The following PGAP1 variants were observed in gnomAD, a reference collection of about 807,000 sequenced individuals.
PGAP1 encodes the protein GPI inositol-deacylase.
In PGAP1, 76 loss-of-function variants were observed where a neutral mutation model predicts 127.0. That is an observed-to-expected ratio of 0.60 (90% CI 0.50 to 0.72). PGAP1 has a LOEUF of 0.72. PGAP1 is among the 30% of genes least tolerant of loss of function. The pLI, the probability that PGAP1 is intolerant of heterozygous loss-of-function variation, is 0.00. For synonymous variants in PGAP1, 362 were observed against 366.5 expected (o/e 0.99, Z 0.14); for missense variants, 982 against 1,071.3 (o/e 0.92, Z 1.16).
Position 196,835,439 on chromosome 2 carries a change from T to A in PGAP1, c.*5795A>T, listed in dbSNP as rs1441728837. The stretch of plus-strand genomic sequence containing the variant: ...TCTGAAGCAAGATTACTTCAAATAA[T>A]TATTTCAATGAATTGCTGAAAGATC... On this transcript the variant is annotated 3_prime_UTR_variant, in exon 27 of 27. Coordinates refer to ENST00000354764, the MANE Select transcript of PGAP1 (RefSeq NM_024989.4). 6.6e-6 allele frequency: 1 copy of A among 152,012 alleles called. No homozygotes were observed. The highest frequency in any genetic ancestry group is 1.5e-5 in the Non-Finnish European group (1 of 67,880). 9.4% of individuals were successfully genotyped at this position (152,012 alleles called of 1,614,324 possible).
intron 20 of PGAP1, among the ~76,000 whole-genome samples, chr2:196,862,351 G>A (rs569741541): frequency 6.6e-6 from 1 of 152,136 alleles, no homozygotes; most frequent in East Asian, 1.9e-4. Context: ...CAGACCAGTT[G>A]CTCTCAAAAC....
chr2:196,891,162 G>T (rs1029655661), intron 9 of PGAP1, among the ~76,000 whole-genome samples: 1 of 152,060 alleles, frequency 6.6e-6, no homozygotes, highest in Non-Finnish European at 1.5e-5. Context: ...GTTTTATTGT[G>T]GGTTTTTTGC....
Position 196,920,095 on chromosome 2 carries a change from AG to A in PGAP1, c.202del (p.Leu68PhefsTer16). On this transcript the variant is annotated frameshift_variant, in exon 2 of 27. Transcript: ENST00000354764. LOFTEE classifies it high-confidence loss of function. Reference sequence around the variant, plus strand: ...TTCAGCATAGGATCCCTCTCCATAAAGATACAACTCATATGCGGGATAGCGT... The same window carrying A: ...TTCAGCATAGGATCCCTCTCCATAAAATACAACTCATATGCGGGATAGCGT... ...AKRYPAYELY[L>X]YGEGSYAEEH... The A allele has an allele frequency of 6.2e-7, 1 of 1,613,360 alleles. No homozygotes were observed.
chr2:196,926,385 C>T, intron 1 of PGAP1, 85 bp downstream of exon 1: 1 of 1,588,756 alleles, frequency 6.3e-7, no homozygotes, highest in Non-Finnish European at 8.6e-7. Flanking sequence ...CGCAGAGAGC[C>T]AAGGCAGGAC....
intron 7 of PGAP1, among the ~76,000 whole-genome samples, chr2:196,896,302 T>C (rs1347387002): frequency 6.6e-6 from 1 of 152,158 alleles, no homozygotes; most frequent in Non-Finnish European, 1.5e-5. Context: ...TTCAATAAAT[T>C]ACACATTTCG....
chr2:196,848,579 T>C (rs1436577385), intron 20 of PGAP1, among the ~76,000 whole-genome samples: 2 of 152,230 alleles, frequency 1.3e-5, no homozygotes, highest in African/African-American at 4.8e-5. Context: ...TGTGATGGTC[T>C]CCTTCCACTT....
At chr2:196,856,995 T>C (rs7572885) in intron 20 of PGAP1, among the ~76,000 whole-genome samples, 15,582 of 152,242 alleles carry the variant, frequency 0.1, 961 homozygotes, top group African/African-American at 0.17. Context: ...AGGTATTTTA[T>C]TCTTTTTGTG....
chr2:196,885,997 A>C (rs935235629), intron 10 of PGAP1, 117 bp from the exon 11 acceptor site: 11 of 522,094 alleles, frequency 2.1e-5, no homozygotes, highest in African/African-American at 1.8e-4. Context: ...ACTAGGAGCA[A>C]GTGAAACGTA....
chr2:196,925,805 G>A (rs1216510467), intron 1 of PGAP1, among the ~76,000 whole-genome samples: 1 of 152,036 alleles, frequency 6.6e-6, no homozygotes, highest in African/African-American at 2.4e-5. Flanking sequence ...GCCCACACAC[G>A]CACGGCCCCT....
chr2:196,912,811 T>C (rs966939817), intron 4 of PGAP1, 71 bp downstream of exon 4: 16 of 1,389,290 alleles, frequency 1.2e-5, no homozygotes, highest in African/African-American at 2.9e-5. Flanking sequence ...CCTAGGGGAA[T>C]AGCCACAGAG....
rs1700366104 is a variant in PGAP1 at position 196,840,147 on chromosome 2, T to TTG, written c.*1086_*1087insCA. Reference sequence around the variant, plus strand: ...AGAAGTCACCTAGGCAAATCAAGATTCCACTGTTAAACCTAGTGGCTAATG... The same window carrying TTG: ...AGAAGTCACCTAGGCAAATCAAGATTTGCCACTGTTAAACCTAGTGGCTAATG... On this transcript the variant is annotated 3_prime_UTR_variant, in exon 27 of 27. Transcript: ENST00000354764. The TTG allele has an allele frequency of 6.6e-6, 1 of 152,220 alleles. No homozygotes were observed. Among genetic ancestry groups the TTG allele is most frequent in the African/African-American group, 2.4e-5 (1 of 41,456 alleles). 9.4% of individuals were successfully genotyped at this position (152,220 alleles called of 1,614,324 possible).
At chr2:196,902,418 C>CAT (rs1383780927) in intron 5 of PGAP1, among the ~76,000 whole-genome samples, 167 bp downstream of exon 5, 1 of 128,416 alleles carries the variant, frequency 7.8e-6, no homozygotes, top group African/African-American at 3.4e-5. Flanking sequence ...CATTCATTTT[C>CAT]TCTCTTTCTC....
In PGAP1 at chr2:196,841,261, T is replaced by C. The variant is rs371834139; in HGVS notation, c.2742A>G (p.Leu914=). 72 of 1,613,194 alleles carry C rather than the reference T, an allele frequency of 4.5e-5. No individual in the cohort carries two copies. Among genetic ancestry groups the C allele is most frequent in the Non-Finnish European group, 5.6e-5 (66 of 1,179,772 alleles). Residue 914 remains leucine, a synonymous_variant, in exon 27 of 27, where the codon TTA becomes TTG. Coordinates refer to ENST00000354764, the MANE Select transcript of PGAP1 (RefSeq NM_024989.4). ...ACATAAAGTTGCATAATGCATGGAG[T>C]AAAAGAGGAATGAAGACAAAGCATG... is the stretch of plus-strand genomic sequence containing the variant. ...RLPCFVFIPL[L]LHALCNFM
intron 4 of PGAP1, among the ~76,000 whole-genome samples, chr2:196,904,603 C>CT (rs1399603822): frequency 5.3e-5 from 8 of 152,274 alleles, no homozygotes; most frequent in Middle Eastern, 3.4e-3. Flanking sequence ...TGGCATGCAC[C>CT]TGTAGTCCCA....
chr2:196,915,420 T>C (rs532619049), intron 3 of PGAP1, among the ~76,000 whole-genome samples: 1 of 152,208 alleles, frequency 6.6e-6, no homozygotes, highest in Non-Finnish European at 1.5e-5. Context: ...GTAGCATACA[T>C]GGAATGCCTA....
chr2:196,915,363 G>A (rs774984745), intron 3 of PGAP1, among the ~76,000 whole-genome samples: 8 of 152,134 alleles, frequency 5.3e-5, no homozygotes, highest in Non-Finnish European at 1.2e-4. Context: ...ATTATCTCGA[G>A]ACTGTACTCC....
chr2:196,842,721 C>A lies in PGAP1; in HGVS notation c.2630G>T (p.Ser877Ile). ...GNTYTVSIKS[S>I]KLLKTTSQFP... ...AAAAAGAAAGATTAAACTACTGTAC[C>A]TTGATTTTATTGAAACAGTGTAAGT... The change falls in exon 26 of 27, where the codon AGT (serine) becomes ATT (isoleucine). Residue 877 changes from serine (S) to isoleucine (I), a missense_variant and splice_region_variant. Physicochemically the swap from Ser to Ile is moderately radical, Grantham distance 142. Coordinates refer to ENST00000354764, the MANE Select transcript of PGAP1 (RefSeq NM_024989.4). The A allele has an allele frequency of 6.6e-7, 1 of 1,507,146 alleles. No homozygotes were observed. Among genetic ancestry groups the A allele is most frequent in the Non-Finnish European group, 9.1e-7 (1 of 1,103,672 alleles). The allele number at this position is 1,507,146 out of a possible 1,614,324, so 93.4% of individuals were successfully genotyped here. A position where few individuals can be genotyped will look rare whatever the true frequency, so the allele number is the denominator to read the frequency against.
chr2:196,843,928 G>C lies in PGAP1; in HGVS notation c.2485C>G (p.Leu829Val), dbSNP rs1700485342. Residue 829 changes from leucine (L) to valine (V), a missense_variant, in exon 25 of 27, where the codon CTC becomes GTC. Coordinates refer to ENST00000354764, the MANE Select transcript of PGAP1 (RefSeq NM_024989.4). ...VINLLTWIVLLSMPSLIYWLK... is the reference protein window; with the variant it reads ...VINLLTWIVLVSMPSLIYWLK... ...CAATAAATTAGAGAAGGCATGCTGA[G>C]TAATACAATCCATGTTAGTAAGTTA... The C allele has an allele frequency of 5.7e-6, 9 of 1,578,188 alleles. No individual in the cohort carries two copies. Among genetic ancestry groups the C allele is most frequent in the Non-Finnish European group, 7.8e-6 (9 of 1,158,660 alleles).
chr2:196,843,510 G>A (rs1186696955), intron 25 of PGAP1, among the ~76,000 whole-genome samples: 1 of 152,050 alleles, frequency 6.6e-6, no homozygotes, highest in Non-Finnish European at 1.5e-5. Flanking sequence ...GGATGAAGTG[G>A]CCTTTTATTT....
Sources: allele counts gnomAD v4.1 joint callset (sites outside exome capture counted in the v4.1 genomes callset), GRCh38; gene constraint gnomAD v4.1.1; transcripts MANE v1.5; gene names NCBI Gene and HGNC (gene_info 2026-07-23, HGNC 2026-07-21).